TMC8: variants seen among roughly 807,000 people sequenced by gnomAD.
The protein encoded by TMC8 is transmembrane channel-like protein 8.
TMC8 carries 71 observed loss-of-function variants against 76.0 expected under a neutral mutation model. The observed-to-expected ratio is 0.93, with a 90% CI of 0.77 to 1.14. TMC8 has a LOEUF of 1.14. Ranked by LOEUF, TMC8 falls within the 50% of genes most tolerant of loss-of-function variation. The pLI, the probability that TMC8 is intolerant of heterozygous loss-of-function variation, is 0.00. For synonymous variants in TMC8, 433 were observed against 433.8 expected, an observed-to-expected ratio of 1.00 and a Z score of 0.02; for missense variants, 924 against 947.9, an observed-to-expected ratio of 0.97 and a Z score of 0.33.
At chr17:78,134,098 A>G in intron 7 of TMC8, 98 bp downstream of exon 7, 1 of 1,558,574 alleles carries the variant, frequency 6.4e-7, no homozygotes. Flanking sequence ...AGCAAGTGCG[A>G]CCGTGCCAGT....
rs773629838 is a variant in TMC8, at chr17:78,131,642, G to A, written c.54G>A (p.Pro18=). The change falls in exon 2 of 16, where the codon CCG becomes CCA. Residue 18 remains proline, a synonymous_variant. Transcript: ENST00000318430. ...SSERAPGVPE[P]EELWEAEMER... ...AGCGGGCCCCTGGGGTGCCGGAGCC[G>A]GAGGAGCTGTGGGAGGCAGAGATGG... The A allele has an allele frequency of 2.5e-5, 39 of 1,558,290 alleles. No individual in the cohort carries two copies. The Admixed American group carries it at 7.1e-4, about 29-fold the overall frequency.
chr17:78,136,476 A>C (rs1472665611), intron 9 of TMC8: 1 of 153,212 alleles, frequency 6.5e-6, no homozygotes, highest in Non-Finnish European at 1.5e-5. Flanking sequence ...TCTCAAAAAA[A>C]AAAAGCAAAA....
Position 78,133,849 on chromosome 17 carries a change from G to C in TMC8, c.669-4G>C, listed in dbSNP as rs8079824. ...CCAGCAGCCCCTGGTCTCCTGCCCC[G>C]CAGGATGGTGAAGGGGCTGCCGCAG... On this transcript the variant is annotated splice_polypyrimidine_tract_variant and splice_region_variant and intron_variant, in intron 6 of 15. Coordinates refer to ENST00000318430, the MANE Select transcript of TMC8 (RefSeq NM_152468.5). 0.031 allele frequency: 49,556 copies of C among 1,613,042 alleles called. 1,050 individuals are homozygous for C. The highest frequency in any genetic ancestry group is 0.087 in the South Asian group (7,931 of 91,074).
chr17:78,132,630 T>G, intron 4 of TMC8, 122 bp downstream of exon 4: 1 of 1,501,776 alleles, frequency 6.7e-7, no homozygotes, highest in Non-Finnish European at 9.1e-7. Flanking sequence ...GCCCCGGGGC[T>G]CTCTCTCCCT....
chr17:78,135,705 C>G (rs2075208266), intron 9 of TMC8, among the ~76,000 whole-genome samples: 1 of 152,232 alleles, frequency 6.6e-6, no homozygotes, highest in Non-Finnish European at 1.5e-5. Flanking sequence ...TCACCACTTG[C>G]CCTAACTGCT....
At position 78,131,835 on chromosome 17, in the gene TMC8, G is replaced by A. The variant is rs751091198; in HGVS notation, c.150-47G>A. 25 of 1,484,936 alleles carry A rather than the reference G, an allele frequency of 1.7e-5. No individual in the cohort carries two copies. In the South Asian group the frequency reaches 3.0e-4, roughly 18 times the overall value. 92.0% of individuals were successfully genotyped at this position (1,484,936 alleles called of 1,614,324 possible). On this transcript the variant is annotated intron_variant, in intron 2 of 15. Coordinates refer to ENST00000318430, the MANE Select transcript of TMC8 (RefSeq NM_152468.5). The stretch of plus-strand genomic sequence containing the variant: ...GCACCCCGTCTGCTTGGCCCGGGTG[G>A]GCAGGGCGGGTGACTCAGGGGCGCC...
intron 14 of TMC8, chr17:78,138,948 C>T (rs774590067): frequency 6.5e-6 from 10 of 1,536,900 alleles, no homozygotes; most frequent in African/African-American, 5.5e-5. Flanking sequence ...TGGGTGGCTG[C>T]AGCTGCTGAG....
At chr17:78,135,438 A>G (rs12603246) in intron 9 of TMC8, among the ~76,000 whole-genome samples, 94,157 of 151,974 alleles carry the variant, frequency 0.62, 29,886 homozygotes, top group Middle Eastern at 0.75. Flanking sequence ...GGTTCACATG[A>G]GTGAAGCGCC....
At chr17:78,132,187 A>C (rs1220934236) in intron 3 of TMC8, 157 bp downstream of exon 3, 17 of 1,394,840 alleles carry the variant, frequency 1.2e-5, no homozygotes, top group East Asian at 2.5e-5. Context: ...CAGGCACCGC[A>C]AACCTCGGGC....
chr17:78,131,774 G>GC, intron 2 of TMC8, 37 bp downstream of exon 2: 1 of 1,559,700 alleles, frequency 6.4e-7, no homozygotes, highest in Non-Finnish European at 8.7e-7. Context: ...TGCGTGGGGG[G>GC]GGTGCTGCGA....
intron 10 of TMC8, 83 bp downstream of exon 10, chr17:78,137,441 G>GC: frequency 6.2e-7 from 1 of 1,605,622 alleles, no homozygotes; most frequent in Non-Finnish European, 8.5e-7. Flanking sequence ...CCCTGTTCCT[G>GC]CCCCTTTAGT....
At chr17:78,134,062 A>C (rs1434828076) in intron 7 of TMC8, 62 bp downstream of exon 7, 1 of 1,610,136 alleles carries the variant, frequency 6.2e-7, no homozygotes, top group East Asian at 2.2e-5. Context: ...CGAGTGCGTG[A>C]GAGCCACGTG....
rs778588672 is a variant in TMC8, at chr17:78,138,902, A to G, written c.1823+170A>G. On this transcript the variant is annotated intron_variant, in intron 14 of 15. Coordinates refer to ENST00000318430, the MANE Select transcript of TMC8 (RefSeq NM_152468.5). ...TCCTGGGCCCACCCTCTGGGCTGCCATGGGGATTGCAGGATCACTGGGGAA... is the reference window on the plus strand; with the variant it reads ...TCCTGGGCCCACCCTCTGGGCTGCCGTGGGGATTGCAGGATCACTGGGGAA... 23 of 1,536,494 alleles carry G rather than the reference A, an allele frequency of 1.5e-5. 1 individual carries two copies. The South Asian group carries it at 2.7e-4, about 18-fold the overall frequency.
At position 78,132,889 on chromosome 17, in the gene TMC8, G is replaced by C. The variant is rs754932707; in HGVS notation, c.531+19G>C. ...TGGCAGGGTGAGTGAGGTCTGTCCCGGCTATGGTCCAGAGTCTGGGAGACC... is the reference window on the plus strand; with the variant it reads ...TGGCAGGGTGAGTGAGGTCTGTCCCCGCTATGGTCCAGAGTCTGGGAGACC... On this transcript the variant is annotated intron_variant, in intron 5 of 15. Coordinates refer to ENST00000318430, the MANE Select transcript of TMC8 (RefSeq NM_152468.5). 6 of 1,613,590 alleles carry C rather than the reference G, an allele frequency of 3.7e-6. No homozygotes were observed. Among genetic ancestry groups the C allele is most frequent in the South Asian group, 1.1e-5 (1 of 91,056 alleles).
Position 78,141,181 on chromosome 17 carries a change from C to G in TMC8, c.*69C>G. 7.9e-7 allele frequency: 1 copy of G among 1,260,442 alleles called. No homozygotes were observed. Among genetic ancestry groups the G allele is most frequent in the East Asian group, 2.7e-5 (1 of 37,486 alleles). The allele number at this position is 1,260,442 out of a possible 1,614,324, so 78.1% of individuals were successfully genotyped here. On this transcript the variant is annotated 3_prime_UTR_variant, in exon 16 of 16. Coordinates refer to ENST00000318430, the MANE Select transcript of TMC8 (RefSeq NM_152468.5). ...GCCTCCTTACTCCATCTTCCAGACC[C>G]CTGGCGACCACCGCCCCTCTCAGTG...
In TMC8 at chr17:78,134,743, G is replaced by A. The variant is rs568707397; in HGVS notation, c.988-127G>A. On this transcript the variant is annotated intron_variant, in intron 8 of 15. Transcript: ENST00000318430. ...TCCCGCCAACTGCCAGGCTGCTGCA[G>A]GGAATAGCTTACAGGCGACCCTATT... 7 of 1,544,196 alleles carry A rather than the reference G, an allele frequency of 4.5e-6. No homozygotes were observed. The South Asian group carries it at 7.9e-5, about 17-fold the overall frequency.
Position 78,138,015 on chromosome 17 carries a change from G to T in TMC8, c.1360G>T (p.Asp454Tyr), listed in dbSNP as rs142790683. The stretch of plus-strand genomic sequence containing the variant: ...CTCCCATCCCTGCAGGCTGCTGGTG[G>T]ACCGGTTCTCAGGCCGGTTCTGGGC... ...LVTLPRRLLV[D>Y]RFSGRFWAWL... The change falls in exon 12 of 16, where the codon GAC becomes TAC. Residue 454 changes from aspartate to tyrosine, a missense_variant. Coordinates refer to ENST00000318430, the MANE Select transcript of TMC8 (RefSeq NM_152468.5). 7.1e-5 allele frequency: 115 copies of T among 1,613,842 alleles called. No homozygotes were observed. The highest frequency in any genetic ancestry group is 8.9e-5 in the Non-Finnish European group (105 of 1,180,026).
chr17:78,132,639 C>A, intron 4 of TMC8, 131 bp downstream of exon 4: 1 of 1,492,976 alleles, frequency 6.7e-7, no homozygotes, highest in Non-Finnish European at 9.2e-7. Context: ...CTCTCTCTCC[C>A]TGACCTCGCC....
At chr17:78,138,525 T>G (rs753204105) in intron 13 of TMC8, 46 bp downstream of exon 13, 7 of 1,613,444 alleles carry the variant, frequency 4.3e-6, no homozygotes, top group Non-Finnish European at 5.9e-6. Context: ...CAGGGGCAGT[T>G]TCTCACCCAG....
Sources: gnomAD v4.1 joint callset for allele counts (sites outside exome capture counted in the v4.1 genomes callset) on GRCh38, gnomAD v4.1.1 for gene constraint, MANE v1.5 for transcripts, NCBI Gene and HGNC (gene_info 2026-07-23, HGNC 2026-07-21) for gene names.